Variants in PRKCE observed in about 807,000 individuals in gnomAD.
PRKCE encodes the protein protein kinase C epsilon type.
In PRKCE, 16 loss-of-function variants were observed where a neutral mutation model predicts 85.4. The observed-to-expected ratio is 0.19, with a 90% CI of 0.13 to 0.28. The LOEUF (loss-of-function observed/expected upper bound fraction) is 0.28, where lower values mean the gene tolerates loss of function less well. Among genes scored for constraint, PRKCE ranks in the 10% least tolerant of loss-of-function variants. The pLI, the probability that PRKCE is intolerant of heterozygous loss-of-function variation, is 1.00. For missense variants in PRKCE, 573 were observed against 975.2 expected (o/e 0.59, Z 5.49); for synonymous variants, 388 against 371.5 (o/e 1.04, Z -0.51).
At chr2:46,148,359 G>C (rs1010741603) in intron 12 of PRKCE, among the ~76,000 whole-genome samples, 3 of 152,232 alleles carry the variant, frequency 2.0e-5, no homozygotes, top group Admixed American at 1.3e-4. Flanking sequence ...AAGCCTAAAA[G>C]GAATCTTACA....
chr2:45,732,834 T>G (rs1681698081), intron 1 of PRKCE, among the ~76,000 whole-genome samples: 1 of 152,232 alleles, frequency 6.6e-6, no homozygotes, highest in African/African-American at 2.4e-5. Context: ...GTGAACTGTT[T>G]TCTGAGTTCT....
intron 2 of PRKCE, among the ~76,000 whole-genome samples, chr2:45,939,049 A>C (rs576559691): frequency 6.6e-6 from 1 of 152,174 alleles, no homozygotes; most frequent in Non-Finnish European, 1.5e-5. Flanking sequence ...AATCCAGCCC[A>C]CAGCACCCTG....
rs146959989 is a variant in PRKCE at position 45,801,562 on chromosome 2, G to T, written c.349-41438G>T. Among the ~76,000 whole-genome samples, 357 of 152,276 alleles carry T rather than the reference G, an allele frequency of 2.3e-3. 2 individuals carry two copies. The highest frequency in any genetic ancestry group is 4.0e-3 in the Non-Finnish European group (273 of 68,018). On this transcript the variant is annotated intron_variant, in intron 1 of 14. Transcript: ENST00000306156. ...GAATGCTGCCCAGGTTTCCAGCTCA[G>T]GTGATATGTCCTAAACTCTGCACAG... is the stretch of plus-strand genomic sequence containing the variant.
chr2:46,060,840 C>T (rs1353231560), intron 10 of PRKCE, among the ~76,000 whole-genome samples: 2 of 151,250 alleles, frequency 1.3e-5, no homozygotes, highest in Non-Finnish European at 2.9e-5. Flanking sequence ...CAGCTCATTG[C>T]AACCTCTGCC....
intron 1 of PRKCE, among the ~76,000 whole-genome samples, chr2:45,735,970 T>C (rs932138202): frequency 4.6e-5 from 7 of 152,194 alleles, no homozygotes; most frequent in Non-Finnish European, 8.8e-5. Flanking sequence ...ACATTTTCTT[T>C]TTCTTTTTTT....
chr2:46,149,325 C>G (rs1046255937), intron 12 of PRKCE, among the ~76,000 whole-genome samples: 2 of 152,032 alleles, frequency 1.3e-5, no homozygotes, highest in Non-Finnish European at 2.9e-5. Flanking sequence ...TCAGGGTCCT[C>G]AAAGTGTTCC....
chr2:45,674,427 T>C (rs1676324178), intron 1 of PRKCE, among the ~76,000 whole-genome samples: 1 of 152,214 alleles, frequency 6.6e-6, no homozygotes, highest in Non-Finnish European at 1.5e-5. Context: ...TCAAGAGGAC[T>C]CTGTCAAACC....
chr2:46,081,455 A>G (rs139269542), intron 10 of PRKCE, among the ~76,000 whole-genome samples: 76 of 152,370 alleles, frequency 5.0e-4, no homozygotes, highest in African/African-American at 1.8e-3. Context: ...CATGAAGCAC[A>G]CAGACTACGG....
intron 14 of PRKCE, among the ~76,000 whole-genome samples, chr2:46,161,179 A>G (rs1339485607): frequency 6.6e-6 from 1 of 152,202 alleles, no homozygotes; most frequent in Admixed American, 6.5e-5. Flanking sequence ...CTCCCTGCAC[A>G]TGCCAGCCTG....
chr2:46,051,311 C>T (rs1297318779), intron 10 of PRKCE, among the ~76,000 whole-genome samples: 1 of 152,188 alleles, frequency 6.6e-6, no homozygotes, highest in Non-Finnish European at 1.5e-5. Flanking sequence ...AGAAGCTGTC[C>T]ACATGCCTCA....
At chr2:45,790,829 C>G (rs1430151602) in intron 1 of PRKCE, among the ~76,000 whole-genome samples, 1 of 152,200 alleles carries the variant, frequency 6.6e-6, no homozygotes, top group African/African-American at 2.4e-5. Flanking sequence ...TGTTGATTCT[C>G]TAACAAGTAG....
intron 1 of PRKCE, among the ~76,000 whole-genome samples, chr2:45,745,475 G>C (rs1009748306): frequency 6.6e-6 from 1 of 152,214 alleles, no homozygotes; most frequent in Middle Eastern, 3.4e-3. Context: ...CTCTGCCCTT[G>C]GGAGACCTGA....
chr2:45,871,638 C>A (rs1342856894), intron 2 of PRKCE, among the ~76,000 whole-genome samples: 1 of 152,204 alleles, frequency 6.6e-6, no homozygotes, highest in Non-Finnish European at 1.5e-5. Flanking sequence ...GAAGGGTTTA[C>A]ATGGGATTAA....
chr2:45,992,463 G>T (rs753320218), intron 6 of PRKCE, among the ~76,000 whole-genome samples: 1 of 152,132 alleles, frequency 6.6e-6, no homozygotes, highest in Non-Finnish European at 1.5e-5. Context: ...CTCATTCTGC[G>T]TGAACGACTT....
intron 1 of PRKCE, among the ~76,000 whole-genome samples, chr2:45,725,300 A>G (rs919991925): frequency 5.3e-5 from 8 of 152,216 alleles, no homozygotes; most frequent in South Asian, 2.1e-4. Flanking sequence ...TCAAAATGTT[A>G]CTGTTCATTG....
chr2:45,841,174 G>A (rs1223617869), intron 1 of PRKCE, among the ~76,000 whole-genome samples: 1 of 152,204 alleles, frequency 6.6e-6, no homozygotes, highest in Non-Finnish European at 1.5e-5. Context: ...GTTCTCTAGA[G>A]GGACAGAATC....
intron 1 of PRKCE, among the ~76,000 whole-genome samples, chr2:45,769,725 G>T (rs1012274025): frequency 3.9e-5 from 6 of 152,136 alleles, no homozygotes; most frequent in African/African-American, 1.4e-4. Context: ...CACATATTTT[G>T]ATATGTTTTG....
chr2:46,159,472 G>T lies in PRKCE; in HGVS notation c.1921-134G>T. On this transcript the variant is annotated intron_variant, in intron 13 of 14. Transcript: ENST00000306156. The surrounding 1 kb of genome is among the most constrained non-coding windows in gnomAD (Gnocchi z 4.1). ...AGTTAAAGAAAACCCAACAGATGTG[G>T]CCCTTGAAAGTGCAAAGAACAGACT... 1 of 846,448 alleles carries T rather than the reference G, an allele frequency of 1.2e-6. No homozygotes were observed. The highest frequency in any genetic ancestry group is 1.8e-6 in the Non-Finnish European group (1 of 561,888). 52.4% of individuals were successfully genotyped at this position (846,448 alleles called of 1,614,324 possible). A position where few individuals can be genotyped will look rare whatever the true frequency, so the allele number is the denominator to read the frequency against.
Position 45,951,053 on chromosome 2 carries a change from A to G in PRKCE, c.413-25376A>G, listed in dbSNP as rs927491454. On this transcript the variant is annotated intron_variant, in intron 2 of 14. Coordinates refer to ENST00000306156, the MANE Select transcript of PRKCE (RefSeq NM_005400.3). ...TGAATTGCACTACAATCCTGCCCAC[A>G]GCTTAATGCTCGGTGCCCAAACCAT... Among the ~76,000 whole-genome samples the G allele has an allele frequency of 2.0e-5, 3 of 152,216 alleles. No individual in the cohort carries two copies. In the South Asian group the frequency reaches 6.2e-4, roughly 32 times the overall value.
Sources: allele counts gnomAD v4.1 joint callset (sites outside exome capture counted in the v4.1 genomes callset), GRCh38; gene constraint gnomAD v4.1.1; non-coding constraint Gnocchi (gnomAD v3.1); transcripts MANE v1.5; gene names NCBI Gene and HGNC (gene_info 2026-07-23, HGNC 2026-07-21).